The following CACNA2D3 variants were observed in gnomAD, a reference collection of about 807,000 sequenced individuals.
CACNA2D3 encodes voltage-dependent calcium channel subunit alpha-2/delta-3.
A neutral mutation model predicts 160.6 loss-of-function variants in CACNA2D3; 60 were observed. The observed-to-expected ratio is 0.37, with a 90% CI of 0.30 to 0.46. The LOEUF is 0.46. Ranked by LOEUF, CACNA2D3 falls within the 20% of genes least tolerant of loss-of-function variation. CACNA2D3 has a pLI of 1.00. For missense variants in CACNA2D3, 1,205 were observed against 1,365.0 expected (o/e 0.88, Z 1.85); for synonymous variants, 558 against 492.9 (o/e 1.13, Z -1.75).
At chr3:54,316,190 G>A (rs753152854) in intron 2 of CACNA2D3, among the ~76,000 whole-genome samples, 5 of 152,108 alleles carry the variant, frequency 3.3e-5, no homozygotes, top group Non-Finnish European at 7.4e-5. Flanking sequence ...CACAGTTTGG[G>A]ATGGCTATGT....
chr3:54,737,400 G>A (rs2085105136), intron 11 of CACNA2D3, among the ~76,000 whole-genome samples: 1 of 152,154 alleles, frequency 6.6e-6, no homozygotes, highest in Admixed American at 6.5e-5. Context: ...AAATAGGAAG[G>A]AGATAGCTGT....
intron 3 of CACNA2D3, among the ~76,000 whole-genome samples, chr3:54,331,317 G>A (rs190910834): frequency 3.3e-5 from 5 of 152,268 alleles, no homozygotes; most frequent in Admixed American, 6.5e-5. Context: ...TGTCTCTATT[G>A]GTTGATTTCC....
chr3:54,958,178 A>G (rs1051652108), intron 27 of CACNA2D3, among the ~76,000 whole-genome samples: 1 of 152,246 alleles, frequency 6.6e-6, no homozygotes, highest in Non-Finnish European at 1.5e-5. Context: ...AATGTCAAAT[A>G]TTGATAAATG....
chr3:54,716,941 A>G (rs1028383536), intron 11 of CACNA2D3, among the ~76,000 whole-genome samples: 1 of 150,192 alleles, frequency 6.7e-6, no homozygotes, highest in Non-Finnish European at 1.5e-5. Flanking sequence ...TCCCTCTACC[A>G]TGTTAAATCA....
At chr3:54,606,907 T>G (rs1020085483) in intron 9 of CACNA2D3, among the ~76,000 whole-genome samples, 1 of 152,216 alleles carries the variant, frequency 6.6e-6, no homozygotes, top group African/African-American at 2.4e-5. Context: ...CTCCCAGTCC[T>G]GTGCTGCAGA....
chr3:54,891,399 C>T lies in CACNA2D3; in HGVS notation c.2195C>T (p.Thr732Met), dbSNP rs112362995. ...GVEVAFLGTR[T>M]GLSRINLFVG... ...GAGGTTGCCTTCCTCGGCACTCGCACGGGCCTCTCCAGAATCAACCTGTTT... is the reference window on the plus strand; with the variant it reads ...GAGGTTGCCTTCCTCGGCACTCGCATGGGCCTCTCCAGAATCAACCTGTTT... The change falls in exon 25 of 38, where the codon ACG (threonine) becomes ATG (methionine). Residue 732 changes from threonine to methionine, a missense_variant. Coordinates refer to ENST00000474759, the MANE Select transcript of CACNA2D3 (RefSeq NM_018398.3). 15,612 of 1,613,880 alleles carry T rather than the reference C, an allele frequency of 9.7e-3. 82 individuals are homozygous for T. Among genetic ancestry groups the T allele is most frequent in the Non-Finnish European group, 0.011 (13,112 of 1,179,822 alleles).
At chr3:54,640,753 T>G (rs540474810) in intron 10 of CACNA2D3, among the ~76,000 whole-genome samples, 19 of 152,342 alleles carry the variant, frequency 1.2e-4, no homozygotes, top group Admixed American at 1.2e-3. Context: ...TTACTGACTT[T>G]CTCCCTATAT....
chr3:54,137,390 A>G (rs935683069), intron 2 of CACNA2D3, among the ~76,000 whole-genome samples: 1 of 152,220 alleles, frequency 6.6e-6, no homozygotes, highest in African/African-American at 2.4e-5. Flanking sequence ...TTTTCTTCTT[A>G]CCAAATAGGT....
At chr3:54,999,158 C>T (rs963645696) in intron 31 of CACNA2D3, among the ~76,000 whole-genome samples, 2 of 152,174 alleles carry the variant, frequency 1.3e-5, no homozygotes, top group African/African-American at 4.8e-5. Flanking sequence ...TCTTAAAGAA[C>T]AGTGCCATCT....
chr3:55,068,329 C>T (rs186243589), intron 35 of CACNA2D3, among the ~76,000 whole-genome samples: 438 of 152,292 alleles, frequency 2.9e-3, no homozygotes, highest in Non-Finnish European at 4.7e-3. Flanking sequence ...AAGGTCTGTG[C>T]CTTAAGAATT....
chr3:54,973,604 G>A (rs1465864097), intron 29 of CACNA2D3, among the ~76,000 whole-genome samples: 2 of 152,110 alleles, frequency 1.3e-5, no homozygotes, highest in Admixed American at 1.3e-4. Context: ...ACAGGGCAAC[G>A]AGAAGGGCTG....
intron 2 of CACNA2D3, among the ~76,000 whole-genome samples, chr3:54,141,094 C>CGCGCGCGCGCGCACGTGCGCGCACGT (rs768348036): frequency 1.2e-5 from 1 of 81,892 alleles, no homozygotes; most frequent in Non-Finnish European, 3.0e-5. Flanking sequence ...TGTGCGCGCG[C>CGCGCGCGCGCGCACGTGCGCGCACGT]GCGCGTGTGT....
intron 31 of CACNA2D3, among the ~76,000 whole-genome samples, chr3:54,999,208 G>A (rs1010966945): frequency 6.6e-6 from 1 of 152,264 alleles, no homozygotes; most frequent in East Asian, 1.9e-4. Flanking sequence ...TGACTGATAC[G>A]AGCAGGAGAG....
chr3:54,254,101 G>A (rs1045506447), intron 2 of CACNA2D3, among the ~76,000 whole-genome samples: 8 of 152,120 alleles, frequency 5.3e-5, no homozygotes, highest in African/African-American at 1.9e-4. Context: ...GGCTGGTTTA[G>A]GTGTTGGATG....
chr3:54,988,895 G>C (rs1212904115), intron 31 of CACNA2D3, among the ~76,000 whole-genome samples: 1 of 152,138 alleles, frequency 6.6e-6, no homozygotes, highest in Non-Finnish European at 1.5e-5. Flanking sequence ...TCTCAGGCCT[G>C]CCTGTAGCAG....
intron 13 of CACNA2D3, among the ~76,000 whole-genome samples, chr3:54,771,958 T>A (rs910061429): frequency 3.9e-5 from 6 of 152,008 alleles, no homozygotes; most frequent in Non-Finnish European, 7.4e-5. Context: ...GAGAAGGTTT[T>A]AGGATAGCTA....
intron 2 of CACNA2D3, among the ~76,000 whole-genome samples, chr3:54,192,365 T>C (rs1278711876): frequency 6.6e-6 from 1 of 152,152 alleles, no homozygotes; most frequent in East Asian, 1.9e-4. Flanking sequence ...TGATATTGAG[T>C]TTCACCATGC....
At chr3:55,035,188 A>G (rs1418174618) in intron 35 of CACNA2D3, among the ~76,000 whole-genome samples, 1 of 152,232 alleles carries the variant, frequency 6.6e-6, no homozygotes, top group Non-Finnish European at 1.5e-5. Flanking sequence ...AACAGAAAAT[A>G]CAGTAGTGAT....
chr3:54,973,065 G>A (rs944239249), intron 29 of CACNA2D3, among the ~76,000 whole-genome samples: 5 of 152,088 alleles, frequency 3.3e-5, no homozygotes, highest in Admixed American at 2.6e-4. Flanking sequence ...GCGGTAGTCA[G>A]CGAAGGCTTC....
Sources: allele counts gnomAD v4.1 joint callset (sites outside exome capture counted in the v4.1 genomes callset), GRCh38; gene constraint gnomAD v4.1.1; transcripts MANE v1.5; gene names NCBI Gene and HGNC (gene_info 2026-07-23, HGNC 2026-07-21).